CACHD1: variants seen among roughly 807,000 people sequenced by gnomAD.
CACHD1 encodes the protein VWFA and cache domain-containing protein 1.
CACHD1 carries 71 observed loss-of-function variants against 138.7 expected under a neutral mutation model. That is an observed-to-expected ratio of 0.51 (90% CI 0.42 to 0.62). The LOEUF (loss-of-function observed/expected upper bound fraction) is 0.62, where lower values mean the gene tolerates loss of function less well. Ranked by LOEUF, CACHD1 falls within the 20% of genes least tolerant of loss-of-function variation. CACHD1 has a pLI of 0.00. For missense variants in CACHD1, 1,389 were observed against 1,625.3 expected (o/e 0.85, Z 2.50); for synonymous variants, 578 against 591.5 (o/e 0.98, Z 0.33).
At chr1:64,654,020 T>C in intron 11 of CACHD1, 139 bp downstream of exon 11, 1 of 760,342 alleles carries the variant, frequency 1.3e-6, no homozygotes, top group South Asian at 2.8e-5. Context: ...TCAGTAATGT[T>C]TCCGTAAGAA....
At chr1:64,571,665 G>A (rs1376361019) in intron 2 of CACHD1, among the ~76,000 whole-genome samples, 1 of 152,152 alleles carries the variant, frequency 6.6e-6, no homozygotes, top group Non-Finnish European at 1.5e-5. Flanking sequence ...GCTGGCAAAT[G>A]TTTGATCGAT....
At chr1:64,509,558 A>G (rs902115475) in intron 1 of CACHD1, among the ~76,000 whole-genome samples, 1 of 152,234 alleles carries the variant, frequency 6.6e-6, no homozygotes, top group Non-Finnish European at 1.5e-5. Context: ...CACTCAAGTT[A>G]TTCAGTAATT....
chr1:64,663,568 A>G (rs1649521439), intron 13 of CACHD1, 127 bp from the exon 14 acceptor site: 4 of 1,245,584 alleles, frequency 3.2e-6, no homozygotes, highest in Non-Finnish European at 4.5e-6. Context: ...AAAAAAAAGA[A>G]AAAAAGGAAA....
rs1646226130 is a variant in CACHD1, at chr1:64,483,874, CCTT to C, written c.198+12933_198+12935del. On this transcript the variant is annotated intron_variant, in intron 1 of 26. Coordinates refer to ENST00000651257, the MANE Select transcript of CACHD1 (RefSeq NM_020925.4). ...CCTTATCTTTTACCTTCCCCCCCCC[CCTT>C]GCATATAACTCTGTTCTTTCAGCAC... Among the ~76,000 whole-genome samples, 6 of 146,280 alleles carry C rather than the reference CCTT, an allele frequency of 4.1e-5. No homozygotes were observed. The South Asian group carries it at 1.4e-3, about 34-fold the overall frequency.
chr1:64,489,839 A>G (rs1035137414), intron 1 of CACHD1, among the ~76,000 whole-genome samples: 1 of 152,232 alleles, frequency 6.6e-6, no homozygotes, highest in Non-Finnish European at 1.5e-5. Flanking sequence ...GATGAGGAGG[A>G]TGAATCTCCT....
intron 2 of CACHD1, among the ~76,000 whole-genome samples, chr1:64,577,040 C>T (rs553817592): frequency 1.1e-4 from 17 of 152,084 alleles, no homozygotes; most frequent in Admixed American, 5.2e-4. Context: ...ACATCCTGGG[C>T]TCAGGTGATC....
chr1:64,664,411 A>G lies in CACHD1; in HGVS notation c.2095-87A>G, dbSNP rs532568442. 7.1e-4 allele frequency: 942 copies of G among 1,334,448 alleles called. 2 individuals carry two copies. Among genetic ancestry groups the G allele is most frequent in the Non-Finnish European group, 9.4e-4 (901 of 955,666 alleles). 82.7% of individuals were successfully genotyped at this position (1,334,448 alleles called of 1,614,324 possible). On this transcript the variant is annotated intron_variant, in intron 14 of 26. Coordinates refer to ENST00000651257, the MANE Select transcript of CACHD1 (RefSeq NM_020925.4). The stretch of plus-strand genomic sequence containing the variant: ...AGTAATTCGGCTTGGCTTCTCTGCA[A>G]CAGAGCTTTGGGAACACTGCCAGCA...
intron 1 of CACHD1, 132 bp downstream of exon 1, chr1:64,471,074 AC>A: frequency 1.2e-6 from 1 of 855,330 alleles, no homozygotes. Flanking sequence ...TTCCCGTCGG[AC>A]CCCTCTGTCC....
chr1:64,682,598 C>T (rs940101146), intron 26 of CACHD1, among the ~76,000 whole-genome samples: 2 of 152,066 alleles, frequency 1.3e-5, no homozygotes, highest in Non-Finnish European at 2.9e-5. Flanking sequence ...AAGGTAGGGG[C>T]AAAGAATATT....
intron 1 of CACHD1, among the ~76,000 whole-genome samples, chr1:64,523,368 A>G (rs1382612673): frequency 6.6e-6 from 1 of 151,554 alleles, no homozygotes; most frequent in Middle Eastern, 3.2e-3. Flanking sequence ...TTAAAAAATA[A>G]GTTTTCTAGG....
intron 26 of CACHD1, among the ~76,000 whole-genome samples, chr1:64,685,985 G>GC (rs1341220840): frequency 6.6e-6 from 1 of 152,150 alleles, no homozygotes; most frequent in Non-Finnish European, 1.5e-5. Context: ...CAGTCTAGGA[G>GC]GAAGCTATAA....
At chr1:64,679,532 C>T in intron 23 of CACHD1, 63 bp from the exon 24 acceptor site, 1 of 1,578,994 alleles carries the variant, frequency 6.3e-7, no homozygotes, top group South Asian at 1.1e-5. Flanking sequence ...ATCTCACCAT[C>T]CTTACTTTCT....
At chr1:64,606,106 AAC>A (rs112089755) in intron 4 of CACHD1, among the ~76,000 whole-genome samples, 214 of 148,580 alleles carry the variant, frequency 1.4e-3, no homozygotes, top group Middle Eastern at 3.5e-3. Context: ...AGGAGCTGTA[AAC>A]ACACACACAC....
intron 3 of CACHD1, among the ~76,000 whole-genome samples, chr1:64,597,926 A>G (rs982358019): frequency 4.6e-5 from 7 of 152,174 alleles, no homozygotes; most frequent in African/African-American, 1.7e-4. Context: ...TATGAGCTTT[A>G]TATTTCTCAC....
At chr1:64,679,261 C>G (rs527706242) in intron 23 of CACHD1, among the ~76,000 whole-genome samples, 2 of 152,262 alleles carry the variant, frequency 1.3e-5, no homozygotes, top group African/African-American at 4.8e-5. Flanking sequence ...TCCTCTCTTC[C>G]AAGAGTAACT....
Position 64,680,390 on chromosome 1 carries a change from A to G in CACHD1, c.3406+634A>G, listed in dbSNP as rs559658582. On this transcript the variant is annotated intron_variant, in intron 24 of 26. Coordinates refer to ENST00000651257, the MANE Select transcript of CACHD1 (RefSeq NM_020925.4). ...GTGGTCTGAGCTACTTGGGAGGCTG[A>G]GGCAGGAGAATCGCTTGAACCCAGG... Among the ~76,000 whole-genome samples, 7 of 152,184 alleles carry G rather than the reference A, an allele frequency of 4.6e-5. No homozygotes were observed. The South Asian group carries it at 1.5e-3, about 32-fold the overall frequency.
In CACHD1 at chr1:64,691,568, C is replaced by G. The variant is rs1650560369; in HGVS notation, c.*7C>G. ...TGTCGATGCAGAATGCTAACAATCT[C>G]CTCACCTCCACGCCAAGATGAGATC... On this transcript the variant is annotated 3_prime_UTR_variant, in exon 27 of 27. Transcript: ENST00000651257. The G allele has an allele frequency of 1.2e-6, 2 of 1,608,794 alleles. No homozygotes were observed. Among genetic ancestry groups the G allele is most frequent in the Non-Finnish European group, 8.5e-7 (1 of 1,175,342 alleles).
At chr1:64,590,825 A>AG in intron 3 of CACHD1, among the ~76,000 whole-genome samples, 1 of 152,300 alleles carries the variant, frequency 6.6e-6, no homozygotes, top group African/African-American at 2.4e-5. Flanking sequence ...TGTGATGTAA[A>AG]TTATACCTGA....
chr1:64,580,769 C>T (rs1217224292), intron 2 of CACHD1, among the ~76,000 whole-genome samples: 4 of 152,108 alleles, frequency 2.6e-5, no homozygotes, highest in Non-Finnish European at 5.9e-5. Flanking sequence ...AATCCCTGGC[C>T]TCTATCTATC....
Sources: gnomAD v4.1 joint callset for allele counts (sites outside exome capture counted in the v4.1 genomes callset) on GRCh38, gnomAD v4.1.1 for gene constraint, MANE v1.5 for transcripts, NCBI Gene and HGNC (gene_info 2026-07-23, HGNC 2026-07-21) for gene names.